The following GALNS variants were observed in gnomAD, a reference collection of about 807,000 sequenced individuals.
GALNS encodes the protein N-acetylgalactosamine-6-sulfatase.
A neutral mutation model predicts 65.9 loss-of-function variants in GALNS; 65 were observed. That is an observed-to-expected ratio of 0.99 (90% CI 0.81 to 1.21). The LOEUF (loss-of-function observed/expected upper bound fraction) is 1.21. Among genes scored for constraint, GALNS ranks in the 50% most tolerant of loss-of-function variants. The pLI is 0.00. For missense variants in GALNS, 776 were observed against 700.7 expected (o/e 1.11, Z -1.21); for synonymous variants, 346 against 288.9 (o/e 1.20, Z -2.00).
intron 1 of GALNS, chr16:88,855,720 T>C (rs557163419): frequency 1.7e-5 from 10 of 581,134 alleles, no homozygotes; most frequent in Non-Finnish European, 3.0e-5. Flanking sequence ...TAAATCTGTG[T>C]ATTTTACACT....
chr16:88,847,731 T>G (rs1274435473), intron 1 of GALNS, among the ~76,000 whole-genome samples: 1 of 152,210 alleles, frequency 6.6e-6, no homozygotes, highest in Non-Finnish European at 1.5e-5. Flanking sequence ...AAAAGTGAAC[T>G]CACTGGAAAC....
intron 12 of GALNS, 51 bp from the exon 13 acceptor site, chr16:88,818,175 G>A (rs750783232): frequency 1.4e-6 from 2 of 1,441,594 alleles, no homozygotes; most frequent in Non-Finnish European, 9.5e-7. Flanking sequence ...GCGAAGGACG[G>A]AGAGGGGCTG....
rs1912306679 is a variant in GALNS at position 88,837,868 on chromosome 16, G to C, written c.423-103C>G. On this transcript the variant is annotated intron_variant, in intron 4 of 13. Transcript: ENST00000268695. ...CTTCACAAAATTCTTGGTAAGACGA[G>C]CACCCTCCAGCACTGAGTATGGGCT... is the stretch of plus-strand genomic sequence containing the variant. The C allele has an allele frequency of 6.0e-6, 7 of 1,171,606 alleles. No homozygotes were observed. In the South Asian group the frequency reaches 8.9e-5, roughly 15 times the overall value. The allele number at this position is 1,171,606 out of a possible 1,614,324, so 72.6% of individuals were successfully genotyped here.
In GALNS at chr16:88,852,115, C is replaced by A. The variant is rs145458972; in HGVS notation, c.120+4643G>T. The stretch of plus-strand genomic sequence containing the variant: ...GGAGATACTTCCCAGTAGGGGCCCA[C>A]TGACACCTCATACAGGCAGGTGCCC... On this transcript the variant is annotated intron_variant, in intron 1 of 13. Transcript: ENST00000268695. Among the ~76,000 whole-genome samples, 676 of 152,348 alleles carry A rather than the reference C, an allele frequency of 4.4e-3. 3 individuals carry two copies. Among genetic ancestry groups the A allele is most frequent in the African/African-American group, 0.015 (631 of 41,578 alleles).
intron 11 of GALNS, 63 bp from the exon 12 acceptor site, chr16:88,822,773 T>G: frequency 5.7e-6 from 9 of 1,584,220 alleles, no homozygotes; most frequent in Non-Finnish European, 6.0e-6. Flanking sequence ...AGGGGCCTCG[T>G]CTGCCCGTGT....
intron 1 of GALNS, among the ~76,000 whole-genome samples, chr16:88,854,628 G>A (rs551963056): frequency 1.3e-4 from 20 of 152,330 alleles, no homozygotes; most frequent in East Asian, 7.7e-4. Context: ...AACATGACAC[G>A]GGCAGAGCCA....
chr16:88,815,827 C>G, intron 13 of GALNS: 1 of 985,142 alleles, frequency 1.0e-6, no homozygotes, highest in Non-Finnish European at 1.2e-6. Flanking sequence ...CCAGGGGCAG[C>G]AGAGGCAGCC....
In GALNS at chr16:88,814,434, A is replaced by G. The variant is rs771003795; in HGVS notation, c.*5T>C. On this transcript the variant is annotated 3_prime_UTR_variant, in exon 14 of 14. Coordinates refer to ENST00000268695, the MANE Select transcript of GALNS (RefSeq NM_000512.5). ...TTCTAGGCCTGGCCTGAGTCTGCGC[A>G]GGTGCTAGTGGGACCAGAGGCACTT... 6.4e-7 allele frequency: 1 copy of G among 1,557,238 alleles called. No homozygotes were observed. Among genetic ancestry groups the G allele is most frequent in the East Asian group, 2.4e-5 (1 of 41,968 alleles).
intron 8 of GALNS, among the ~76,000 whole-genome samples, chr16:88,834,774 G>A (rs1462539418): frequency 3.9e-5 from 6 of 152,160 alleles, no homozygotes; most frequent in Admixed American, 2.0e-4. Context: ...GTGGGGGCAG[G>A]AGTCCATCTT....
chr16:88,835,502 A>G (rs1912026878), intron 7 of GALNS, 150 bp from the exon 8 acceptor site: 6 of 1,255,088 alleles, frequency 4.8e-6, no homozygotes, highest in South Asian at 2.5e-5. Context: ...CAGAAGAGGA[A>G]TGGCCTCAGT....
intron 1 of GALNS, among the ~76,000 whole-genome samples, chr16:88,850,839 CTCTT>C (rs1354180700): frequency 6.6e-6 from 1 of 152,248 alleles, no homozygotes; most frequent in Non-Finnish European, 1.5e-5. Flanking sequence ...TGTGCCGAGA[CTCTT>C]TATGCCCAGA....
chr16:88,850,576 C>T (rs935763679), intron 1 of GALNS, among the ~76,000 whole-genome samples: 6 of 152,138 alleles, frequency 3.9e-5, no homozygotes, highest in South Asian at 2.1e-4. Flanking sequence ...GGAGCACTCT[C>T]GCTGGGAGGA....
At chr16:88,830,422 GC>G (rs1240722480) in intron 9 of GALNS, among the ~76,000 whole-genome samples, 1 of 152,080 alleles carries the variant, frequency 6.6e-6, no homozygotes, top group Non-Finnish European at 1.5e-5. Context: ...TCTTCACTCA[GC>G]CCCATGAGCC....
intron 12 of GALNS, among the ~76,000 whole-genome samples, chr16:88,819,045 T>C (rs1909931053): frequency 6.6e-6 from 1 of 152,090 alleles, no homozygotes; most frequent in South Asian, 2.1e-4. Context: ...TTCTGGGAGG[T>C]GAGCCCGGAC....
At chr16:88,843,097 C>T in intron 1 of GALNS, 2 of 1,489,694 alleles carry the variant, frequency 1.3e-6, no homozygotes, top group Non-Finnish European at 1.8e-6. Flanking sequence ...CTTTCGCCTC[C>T]ACTTCTGCTT....
At chr16:88,822,444 C>G in intron 12 of GALNS, 145 bp downstream of exon 12, 1 of 1,083,524 alleles carries the variant, frequency 9.2e-7, no homozygotes, top group Non-Finnish European at 1.4e-6. Flanking sequence ...GGCCACCAAG[C>G]ACGTGTGGGT....
At chr16:88,826,498 G>C (rs1910935541) in intron 10 of GALNS, among the ~76,000 whole-genome samples, 1 of 152,124 alleles carries the variant, frequency 6.6e-6, no homozygotes, top group Admixed American at 6.5e-5. Context: ...GCTGTGCTTG[G>C]ACCCTCCCAG....
chr16:88,843,632 GACGCAGCC>G (rs1473697294), intron 1 of GALNS: 2 of 178,720 alleles, frequency 1.1e-5, no homozygotes, highest in Admixed American at 1.1e-4. Flanking sequence ...AGACTGGAGT[GACGCAGCC>G]ACCAGCCAGG....
At position 88,824,789 on chromosome 16, in the gene GALNS, T is replaced by G; in HGVS notation, c.1220A>C (p.Asn407Thr). Residue 407 changes from asparagine to threonine, a missense_variant, in exon 11 of 14, where the codon AAC becomes ACC. Asn to Thr is a moderately conservative substitution (Grantham distance 65, BLOSUM62 0). Transcript: ENST00000268695. ...TACCTGTCTGAAGTTCTCCCAGGAG[T>G]TGGTCCAGGTCCAGAAGTGAGCCTT... ...QHKAHFWTWT[N>T]SWENFRQGID... 1 of 1,613,260 alleles carries G rather than the reference T, an allele frequency of 6.2e-7. No individual in the cohort carries two copies. Among genetic ancestry groups the G allele is most frequent in the Non-Finnish European group, 8.5e-7 (1 of 1,179,954 alleles).
Sources: allele counts gnomAD v4.1 joint callset (sites outside exome capture counted in the v4.1 genomes callset), GRCh38; gene constraint gnomAD v4.1.1; transcripts MANE v1.5; gene names NCBI Gene and HGNC (gene_info 2026-07-23, HGNC 2026-07-21).